The following ARSG variants were observed in gnomAD, a reference collection of about 807,000 sequenced individuals.
ARSG encodes the protein ASG.
A neutral mutation model predicts 50.5 loss-of-function variants in ARSG; 37 were observed. The ratio of observed to expected loss-of-function variants is 0.73; its 90% CI spans 0.56 to 0.96. The LOEUF is 0.96. Among genes scored for constraint, ARSG ranks in the 50% least tolerant of loss-of-function variants. The pLI is 0.00. For missense variants in ARSG, 629 were observed against 675.3 expected, an observed-to-expected ratio of 0.93 and a Z score of 0.76; for synonymous variants, 225 against 254.6, an observed-to-expected ratio of 0.88 and a Z score of 1.11.
At chr17:68,309,173 C>G (rs539829711) in intron 2 of ARSG, among the ~76,000 whole-genome samples, 20 of 152,362 alleles carry the variant, frequency 1.3e-4, no homozygotes, top group Non-Finnish European at 2.2e-4. Context: ...CCTCATTGCC[C>G]GGGGCCCGCA....
At chr17:68,356,825 C>T (rs774428076) in intron 6 of ARSG, 21 bp downstream of exon 6, 118 of 1,613,814 alleles carry the variant, frequency 7.3e-5, no homozygotes, top group Admixed American at 1.7e-4. Flanking sequence ...TCCCTCCCTC[C>T]GCAGGGCCTC....
the ARSG span, chr17:68,434,555 C>A: frequency 1.2e-6 from 2 of 1,613,928 alleles, no homozygotes; most frequent in East Asian, 4.5e-5. Context: ...TGAACACAGA[C>A]CTTTTCATCC....
At chr17:68,427,197 A>C, downstream of ARSG, 1 of 1,614,218 alleles carries the variant, frequency 6.2e-7, no homozygotes, top group Non-Finnish European at 8.5e-7. Flanking sequence ...AGACTGAGGT[A>C]AGGAAGGTCT....
At chr17:68,290,803 G>T (rs1218042317), upstream of ARSG, among the ~76,000 whole-genome samples, 1 of 152,218 alleles carries the variant, frequency 6.6e-6, no homozygotes, top group African/African-American at 2.4e-5. Flanking sequence ...GCACTCAAAG[G>T]CCAGGCGTGC....
At position 68,368,647 on chromosome 17, in the gene ARSG, G is replaced by A; in HGVS notation, c.804G>A (p.Leu268=). 1 of 1,614,252 alleles carries A rather than the reference G, an allele frequency of 6.2e-7. No homozygotes were observed. Among genetic ancestry groups the A allele is most frequent in the Non-Finnish European group, 8.5e-7 (1 of 1,180,028 alleles). The change falls in exon 7 of 12, where the codon CTG becomes CTA. Residue 268 remains leucine, a synonymous_variant. Coordinates refer to ENST00000621439, the MANE Select transcript of ARSG (RefSeq NM_001267727.2). ...QLPAAPRGRS[L]YGAGLWEMDS... ...CAGCAGCGCCACGGGGCAGAAGCCT[G>A]TATGGTGCAGGGCTCTGGGAGATGG... is the stretch of plus-strand genomic sequence containing the variant.
rs55668215 is a variant in ARSG, at chr17:68,372,877, ATTTTTTTTTTTTTTT to A, written c.982+2371_982+2385del. On this transcript the variant is annotated intron_variant, in intron 8 of 11. Coordinates refer to ENST00000621439, the MANE Select transcript of ARSG (RefSeq NM_001267727.2). Reference sequence around the variant, plus strand: ...TTCTGGTGCAGAGAAGGAAATGCTGATTTTTTTTTTTTTTTTTTTTTTTTTTTTTTTTGAGACAGA... The same window carrying A: ...TTCTGGTGCAGAGAAGGAAATGCTGATTTTTTTTTTTTTTTTTGAGACAGA... Among the ~76,000 whole-genome samples, 155 of 93,194 alleles carry A rather than the reference ATTTTTTTTTTTTTTT, an allele frequency of 1.7e-3. 3 individuals carry two copies. Among genetic ancestry groups the A allele is most frequent in the Admixed American group, 4.3e-3 (34 of 7,868 alleles). The allele number at this position is 93,194 out of a possible 152,430, so 61.1% of individuals were successfully genotyped here. A position where few individuals can be genotyped will look rare whatever the true frequency, so the allele number is the denominator to read the frequency against.
intron 11 of ARSG, among the ~76,000 whole-genome samples, chr17:68,419,168 C>T (rs2082589034): frequency 6.6e-6 from 1 of 152,136 alleles, no homozygotes; most frequent in Admixed American, 6.5e-5. Context: ...TGAAATGACT[C>T]ACCTGCCTTT....
At chr17:68,434,424 G>A in the ARSG span, 3 of 829,714 alleles carry the variant, frequency 3.6e-6, no homozygotes, top group Non-Finnish European at 5.6e-6. Flanking sequence ...AATTACCTGG[G>A]AGAGTAGTTA....
At chr17:68,327,542 T>G (rs1387073291) in intron 2 of ARSG, among the ~76,000 whole-genome samples, 1 of 152,192 alleles carries the variant, frequency 6.6e-6, no homozygotes, top group East Asian at 1.9e-4. Flanking sequence ...CTCTGTGTCT[T>G]CGCAGCATTC....
chr17:68,330,570 G>T (rs988549755), intron 2 of ARSG, among the ~76,000 whole-genome samples: 2 of 152,208 alleles, frequency 1.3e-5, no homozygotes, highest in African/African-American at 4.8e-5. Flanking sequence ...AGATGACTGT[G>T]ACTTGAGTGA....
At chr17:68,285,904 C>A (rs1296186515) in intron 1 of ARSG, among the ~76,000 whole-genome samples, 9 of 151,954 alleles carry the variant, frequency 5.9e-5, no homozygotes, top group African/African-American at 2.2e-4. Flanking sequence ...GGATTACAGA[C>A]GCCCGCCACC....
At chr17:68,363,518 A>C (rs191388846) in intron 6 of ARSG, among the ~76,000 whole-genome samples, 1 of 152,036 alleles carries the variant, frequency 6.6e-6, no homozygotes, top group East Asian at 1.9e-4. Flanking sequence ...CCCAGGCTGG[A>C]GTGCAATGGC....
intron 1 of ARSG, among the ~76,000 whole-genome samples, chr17:68,296,421 A>T (rs2145358166): frequency 6.6e-6 from 1 of 152,306 alleles, no homozygotes; most frequent in South Asian, 2.1e-4. Flanking sequence ...ACAATAGGCA[A>T]TGTTAAGCTT....
chr17:68,308,615 G>A (rs955743151), intron 2 of ARSG, among the ~76,000 whole-genome samples: 2 of 152,176 alleles, frequency 1.3e-5, no homozygotes, highest in Non-Finnish European at 2.9e-5. Flanking sequence ...GTGTGGAAAG[G>A]GACCTGAGCG....
At chr17:68,388,032 C>A (rs1054242783) in intron 9 of ARSG, among the ~76,000 whole-genome samples, 2 of 152,098 alleles carry the variant, frequency 1.3e-5, no homozygotes, top group Non-Finnish European at 2.9e-5. Context: ...GACACAAGTA[C>A]AGGATGGGGA....
At chr17:68,283,878 C>CAAAAAAAA (rs58291216) in intron 1 of ARSG, among the ~76,000 whole-genome samples, 1 of 55,430 alleles carries the variant, frequency 1.8e-5, no homozygotes, top group Non-Finnish European at 3.4e-5. Context: ...AACTCCGTCT[C>CAAAAAAAA]AAAAAAAAAA....
At chr17:68,392,819 G>T (rs1568567926) in intron 9 of ARSG, among the ~76,000 whole-genome samples, 1 of 152,154 alleles carries the variant, frequency 6.6e-6, no homozygotes, top group Non-Finnish European at 1.5e-5. Flanking sequence ...ACTTTGTAAT[G>T]GACTAAAAGA....
intron 1 of ARSG, among the ~76,000 whole-genome samples, chr17:68,265,757 T>G (rs2075147728): frequency 6.6e-6 from 1 of 152,088 alleles, no homozygotes; most frequent in African/African-American, 2.4e-5. Flanking sequence ...TGTGTTGTTT[T>G]TTTTTTTTTA....
intron 8 of ARSG, among the ~76,000 whole-genome samples, chr17:68,384,121 G>A (rs946375481): frequency 1.3e-5 from 2 of 152,130 alleles, no homozygotes; most frequent in Non-Finnish European, 2.9e-5. Flanking sequence ...CCAAACAAAG[G>A]GAAATTGCAT....
Sources: allele counts gnomAD v4.1 joint callset (sites outside exome capture counted in the v4.1 genomes callset), GRCh38; gene constraint gnomAD v4.1.1; transcripts MANE v1.5; gene names NCBI Gene and HGNC (gene_info 2026-07-23, HGNC 2026-07-21).